The following DLG2 variants were observed in gnomAD, a reference collection of about 807,000 sequenced individuals.
DLG2 encodes the protein discs large MAGUK scaffold protein 2.
A neutral mutation model predicts 132.5 loss-of-function variants in DLG2; 45 were observed. That is an observed-to-expected ratio of 0.34 (90% CI 0.27 to 0.44). The LOEUF (loss-of-function observed/expected upper bound fraction) is 0.44. DLG2 is among the 20% of genes least tolerant of loss of function. The pLI, the probability that DLG2 is intolerant of heterozygous loss-of-function variation, is 1.00. For missense variants in DLG2, 1,045 were observed against 1,196.9 expected, an observed-to-expected ratio of 0.87 and a Z score of 1.87; for synonymous variants, 424 against 419.6, an observed-to-expected ratio of 1.01 and a Z score of -0.13.
intron 19 of DLG2, among the ~76,000 whole-genome samples, chr11:83,565,085 T>C (rs1039103197): frequency 2.0e-5 from 3 of 152,202 alleles, no homozygotes; most frequent in African/African-American, 7.2e-5. Context: ...ACTAGCATAG[T>C]TCCTGGTACA....
chr11:85,071,943 G>A (rs1566789508), intron 6 of DLG2, among the ~76,000 whole-genome samples: 1 of 151,754 alleles, frequency 6.6e-6, no homozygotes, highest in Non-Finnish European at 1.5e-5. Context: ...TACCAAACAG[G>A]TGAAAATTAA....
chr11:85,596,174 G>T (rs1261572257), intron 3 of DLG2, among the ~76,000 whole-genome samples: 1 of 152,106 alleles, frequency 6.6e-6, no homozygotes, highest in East Asian at 1.9e-4. Context: ...TGGATCATGA[G>T]GTCAGGAAAT....
chr11:84,244,237 G>A (rs2097272239), intron 8 of DLG2, among the ~76,000 whole-genome samples: 2 of 151,928 alleles, frequency 1.3e-5, no homozygotes, highest in Non-Finnish European at 2.9e-5. Flanking sequence ...GGGTGGGAGT[G>A]CAGTGGCACA....
chr11:85,369,307 C>G (rs1034066698), intron 3 of DLG2, among the ~76,000 whole-genome samples: 11 of 152,112 alleles, frequency 7.2e-5, no homozygotes, highest in African/African-American at 2.7e-4. Flanking sequence ...CAGCAGCCTT[C>G]CCTTTCCCCC....
chr11:83,929,525 G>A (rs2079741029), intron 15 of DLG2, among the ~76,000 whole-genome samples: 1 of 152,100 alleles, frequency 6.6e-6, no homozygotes, highest in Admixed American at 6.5e-5. Flanking sequence ...TATAGGCTTT[G>A]GAATACTAAC....
intron 5 of DLG2, among the ~76,000 whole-genome samples, chr11:85,153,653 T>C (rs937898084): frequency 6.6e-6 from 1 of 152,194 alleles, no homozygotes; most frequent in African/African-American, 2.4e-5. Flanking sequence ...AGAAACCATA[T>C]TAAATATGAA....
chr11:83,869,725 A>G (rs893193559), intron 16 of DLG2, among the ~76,000 whole-genome samples: 1 of 152,206 alleles, frequency 6.6e-6, no homozygotes, highest in African/African-American at 2.4e-5. Context: ...TATTTATTCC[A>G]TAAAGGATTC....
intron 6 of DLG2, among the ~76,000 whole-genome samples, chr11:85,099,890 C>A (rs1020885248): frequency 2.6e-5 from 4 of 152,098 alleles, no homozygotes; most frequent in Admixed American, 6.6e-5. Context: ...TTGCACTGGA[C>A]CTGGCACTCC....
intron 6 of DLG2, among the ~76,000 whole-genome samples, chr11:84,589,040 C>G (rs1429541325): frequency 6.6e-6 from 1 of 152,044 alleles, no homozygotes. Context: ...AAGACTAACT[C>G]CAGGTAAGTG....
At chr11:83,982,452 C>T (rs1469497800) in intron 11 of DLG2, among the ~76,000 whole-genome samples, 1 of 125,824 alleles carries the variant, frequency 7.9e-6, no homozygotes, top group African/African-American at 3.1e-5. Context: ...GTGTTTGTGT[C>T]TTCATTTTTA....
intron 3 of DLG2, among the ~76,000 whole-genome samples, chr11:85,341,045 T>C (rs1270575334): frequency 2.0e-5 from 3 of 152,208 alleles, no homozygotes; most frequent in Non-Finnish European, 4.4e-5. Flanking sequence ...ATTCTTTTCT[T>C]GTTGAGTTAA....
intron 6 of DLG2, among the ~76,000 whole-genome samples, chr11:85,013,331 T>G (rs2059309378): frequency 1.3e-5 from 2 of 152,180 alleles, no homozygotes; most frequent in South Asian, 4.1e-4. Flanking sequence ...CATGTATCTT[T>G]GGATCCTCAG....
At chr11:85,283,760 T>C (rs1255089312) in intron 4 of DLG2, among the ~76,000 whole-genome samples, 1 of 151,876 alleles carries the variant, frequency 6.6e-6, no homozygotes, top group Non-Finnish European at 1.5e-5. Flanking sequence ...AGATTGGCCT[T>C]TTGAAAGATG....
At chr11:84,119,510 G>A (rs991119907) in intron 9 of DLG2, among the ~76,000 whole-genome samples, 2 of 151,348 alleles carry the variant, frequency 1.3e-5, no homozygotes, top group Non-Finnish European at 2.9e-5. Flanking sequence ...ACACACATAC[G>A]AATCACATTT....
At chr11:84,154,648 C>A (rs1293486660) in intron 9 of DLG2, among the ~76,000 whole-genome samples, 2 of 152,140 alleles carry the variant, frequency 1.3e-5, no homozygotes, top group African/African-American at 4.8e-5. Flanking sequence ...TCCCTCCCCC[C>A]TTCCCCCACC....
At chr11:83,800,205 C>T (rs1233191384) in intron 17 of DLG2, among the ~76,000 whole-genome samples, 1 of 152,176 alleles carries the variant, frequency 6.6e-6, no homozygotes, top group Non-Finnish European at 1.5e-5. Context: ...GAGTTCCAGT[C>T]ATGCTGTTAG....
At chr11:85,473,133 G>A (rs144481837) in intron 3 of DLG2, among the ~76,000 whole-genome samples, 40 of 152,304 alleles carry the variant, frequency 2.6e-4, no homozygotes, top group South Asian at 8.3e-4. Context: ...ACCTGAAGCC[G>A]CCTGCCCTGC....
chr11:85,598,610 G>T, intron 3 of DLG2, 47 bp downstream of exon 3: 18 of 1,420,832 alleles, frequency 1.3e-5, no homozygotes, highest in Non-Finnish European at 1.6e-5. Context: ...AAACTATCAA[G>T]CCCAATTCTG....
At chr11:85,412,963 T>C (rs979502650) in intron 3 of DLG2, among the ~76,000 whole-genome samples, 1 of 151,866 alleles carries the variant, frequency 6.6e-6, no homozygotes, top group Admixed American at 6.6e-5. Flanking sequence ...GTGGTTCCAC[T>C]TGTAGTTATT....
Sources: allele counts gnomAD v4.1 joint callset (sites outside exome capture counted in the v4.1 genomes callset), GRCh38; gene constraint gnomAD v4.1.1; transcripts MANE v1.5; gene names NCBI Gene and HGNC (gene_info 2026-07-23, HGNC 2026-07-21).